IQCM: variants seen among roughly 807,000 people sequenced by gnomAD.
IQCM encodes the protein IQ motif containing M.
A neutral mutation model predicts 57.6 loss-of-function variants in IQCM; 45 were observed. The observed-to-expected ratio is 0.78, with a 90% CI of 0.62 to 1.00. The LOEUF (loss-of-function observed/expected upper bound fraction) is 1.00. Ranked by LOEUF, IQCM falls within the 50% of genes least tolerant of loss-of-function variation. IQCM has a pLI of 0.00. For missense variants in IQCM, 468 were observed against 511.6 expected, an observed-to-expected ratio of 0.91 and a Z score of 0.82; for synonymous variants, 148 against 158.9, an observed-to-expected ratio of 0.93 and a Z score of 0.51.
chr4:149,686,112 G>T (rs1054554014), intron 6 of IQCM, among the ~76,000 whole-genome samples: 1 of 151,374 alleles, frequency 6.6e-6, no homozygotes, highest in Non-Finnish European at 1.5e-5. Context: ...CCCCAGGAAA[G>T]CCACAAATTG....
intron 12 of IQCM, among the ~76,000 whole-genome samples, chr4:149,473,443 T>C (rs1739812694): frequency 6.6e-6 from 1 of 152,164 alleles, no homozygotes; most frequent in Non-Finnish European, 1.5e-5. Context: ...TCACACCAGT[T>C]AGAATGGCAA....
chr4:149,569,731 C>A (rs1179561443), intron 9 of IQCM, among the ~76,000 whole-genome samples: 1 of 152,042 alleles, frequency 6.6e-6, no homozygotes, highest in Non-Finnish European at 1.5e-5. Context: ...GACATCATAA[C>A]CATGAACCTG....
intron 2 of IQCM, among the ~76,000 whole-genome samples, chr4:149,778,876 C>G (rs1243177063): frequency 2.6e-5 from 4 of 151,990 alleles, no homozygotes. Context: ...AAAGAAATTG[C>G]CAGACCTAGA....
chr4:149,431,974 T>A, intron 13 of IQCM, among the ~76,000 whole-genome samples: 1 of 151,186 alleles, frequency 6.6e-6, no homozygotes, highest in East Asian at 2.0e-4. Context: ...TACGTATATA[T>A]GTTACATATA....
intron 8 of IQCM, among the ~76,000 whole-genome samples, chr4:149,590,516 T>C (rs1753053541): frequency 6.6e-6 from 1 of 152,028 alleles, no homozygotes; most frequent in South Asian, 2.1e-4. Flanking sequence ...ATTTGTTACA[T>C]AGGTACACAC....
chr4:149,434,972 T>C (rs1735209972), intron 12 of IQCM, among the ~76,000 whole-genome samples: 1 of 152,064 alleles, frequency 6.6e-6, no homozygotes, highest in African/African-American at 2.4e-5. Flanking sequence ...GAGTAGCTTC[T>C]CCATGAGTGC....
At chr4:149,798,024 T>C (rs2150043087) in intron 2 of IQCM, among the ~76,000 whole-genome samples, 1 of 152,010 alleles carries the variant, frequency 6.6e-6, no homozygotes, top group African/African-American at 2.4e-5. Context: ...ATAGTAATTA[T>C]ACAGAAAAAC....
chr4:149,730,254 T>C (rs1766335519), intron 5 of IQCM, among the ~76,000 whole-genome samples: 1 of 152,190 alleles, frequency 6.6e-6, no homozygotes, highest in African/African-American at 2.4e-5. Flanking sequence ...TTCTAATGTG[T>C]GTAAAATCTC....
chr4:149,622,681 C>T (rs887418963), intron 7 of IQCM, among the ~76,000 whole-genome samples: 5 of 152,066 alleles, frequency 3.3e-5, no homozygotes, highest in African/African-American at 1.2e-4. Flanking sequence ...TTTATATTTT[C>T]ATTTGGCAGC....
intron 2 of IQCM, among the ~76,000 whole-genome samples, chr4:149,754,324 G>A (rs1050634365): frequency 4.6e-5 from 7 of 152,028 alleles, no homozygotes; most frequent in African/African-American, 1.2e-4. Context: ...TCCCCGCCCC[G>A]GGGAGTCTTC....
chr4:149,568,853 A>G (rs1476774870), intron 9 of IQCM, among the ~76,000 whole-genome samples: 3 of 152,164 alleles, frequency 2.0e-5, no homozygotes, highest in African/African-American at 7.2e-5. Flanking sequence ...TTGATGGCCA[A>G]TTAAAGCCTC....
At chr4:149,733,773 A>G (rs1236300607) in intron 4 of IQCM, among the ~76,000 whole-genome samples, 1 of 152,200 alleles carries the variant, frequency 6.6e-6, no homozygotes, top group East Asian at 1.9e-4. Flanking sequence ...TGTAAATTTT[A>G]AAATAGCAAC....
intron 12 of IQCM, among the ~76,000 whole-genome samples, chr4:149,485,738 C>T (rs1016768845): frequency 6.6e-6 from 1 of 151,974 alleles, no homozygotes; most frequent in African/African-American, 2.4e-5. Flanking sequence ...TTGGCAAGGC[C>T]ATATTTTCCT....
At chr4:149,380,963 C>A (rs1731037181) in intron 13 of IQCM, among the ~76,000 whole-genome samples, 1 of 152,138 alleles carries the variant, frequency 6.6e-6, no homozygotes, top group Non-Finnish European at 1.5e-5. Flanking sequence ...CTCTTGCAAT[C>A]TTTGCTTAGA....
chr4:149,387,177 C>T (rs746353618), intron 13 of IQCM, among the ~76,000 whole-genome samples: 1 of 152,012 alleles, frequency 6.6e-6, no homozygotes, highest in African/African-American at 2.4e-5. Context: ...AGGTTCCACT[C>T]TCTGATTCAT....
At position 149,644,081 on chromosome 4, in the gene IQCM, T is replaced by G. The variant is rs527699742; in HGVS notation, c.566-22837A>C. On this transcript the variant is annotated intron_variant, in intron 7 of 13. Transcript: ENST00000636793. Reference sequence around the variant, plus strand: ...AGAAACAGCTCGGTTTAAGGCAAACTGGGCCAGTTGGTCACCCTAAAATTT... The same window carrying G: ...AGAAACAGCTCGGTTTAAGGCAAACGGGGCCAGTTGGTCACCCTAAAATTT... 7.9e-5 allele frequency among the ~76,000 whole-genome samples: 12 copies of G among 152,330 alleles called. No individual in the cohort carries two copies. In the South Asian group the frequency reaches 2.3e-3, roughly 29 times the overall value.
intron 2 of IQCM, among the ~76,000 whole-genome samples, chr4:149,755,467 T>C (rs956318679): frequency 6.6e-6 from 1 of 152,124 alleles, no homozygotes; most frequent in Non-Finnish European, 1.5e-5. Flanking sequence ...CTGAAGATAT[T>C]TGCATTTGCT....
intron 12 of IQCM, among the ~76,000 whole-genome samples, chr4:149,544,934 C>T (rs1270941117): frequency 2.0e-5 from 3 of 152,052 alleles, no homozygotes; most frequent in Admixed American, 6.6e-5. Flanking sequence ...TCTGAAGCCA[C>T]AAAACTTCTA....
chr4:149,803,900 G>T (rs1773842056), intron 2 of IQCM, among the ~76,000 whole-genome samples: 1 of 151,844 alleles, frequency 6.6e-6, no homozygotes. Context: ...GAGAGGAAAT[G>T]TTCTATAATC....
Sources: allele counts gnomAD v4.1 joint callset (sites outside exome capture counted in the v4.1 genomes callset), GRCh38; gene constraint gnomAD v4.1.1; transcripts MANE v1.5; gene names NCBI Gene and HGNC (gene_info 2026-07-23, HGNC 2026-07-21).